ADAD1: variants seen among roughly 807,000 people sequenced by gnomAD.
The protein encoded by ADAD1 is adenosine deaminase domain containing 1.
Under a neutral mutation model 66.8 loss-of-function variants are expected in ADAD1, and 46 were observed. The observed-to-expected ratio is 0.69, with a 90% CI of 0.54 to 0.88. The LOEUF (loss-of-function observed/expected upper bound fraction) is 0.88, where lower values mean the gene tolerates loss of function less well. Among genes scored for constraint, ADAD1 ranks in the 40% least tolerant of loss-of-function variants. ADAD1 has a pLI of 0.00. For synonymous variants in ADAD1, 248 were observed against 229.4 expected, an observed-to-expected ratio of 1.08 and a Z score of -0.73; for missense variants, 617 against 681.8, an observed-to-expected ratio of 0.91 and a Z score of 1.06.
intron 11 of ADAD1, among the ~76,000 whole-genome samples, chr4:122,417,106 G>C (rs369940726): frequency 2.0e-5 from 3 of 152,090 alleles, no homozygotes; most frequent in African/African-American, 4.8e-5. Context: ...AGGCTGAGGC[G>C]GGCAGATCAG....
At chr4:122,401,044 TG>T (rs1368529691) in intron 7 of ADAD1, among the ~76,000 whole-genome samples, 1 of 152,150 alleles carries the variant, frequency 6.6e-6, no homozygotes, top group Non-Finnish European at 1.5e-5. Context: ...CTGCTGTGTT[TG>T]GGTTTGGTTT....
chr4:122,386,471 T>A (rs953120213), intron 5 of ADAD1, among the ~76,000 whole-genome samples: 1 of 128,548 alleles, frequency 7.8e-6, no homozygotes, highest in African/African-American at 2.9e-5. Context: ...GATCAAAAAT[T>A]TTCTCCCATT....
chr4:122,380,347 A>AT, intron 3 of ADAD1, 106 bp downstream of exon 3: 1 of 1,351,812 alleles, frequency 7.4e-7, no homozygotes, highest in Non-Finnish European at 1.0e-6. Context: ...TTGTATAGAC[A>AT]TTTACCCGTG....
At position 122,399,473 on chromosome 4, in the gene ADAD1, G is replaced by GT. The variant is rs368737769; in HGVS notation, c.724+3102dup. Among the ~76,000 whole-genome samples, 471 of 152,054 alleles carry GT rather than the reference G, an allele frequency of 3.1e-3. 1 individual carries two copies. The highest frequency in any genetic ancestry group is 0.011 in the African/African-American group (436 of 41,522). ...TAGTCTTACTTAGACTATGCAGGTT[G>GT]TTTTTTGGTTCTATGTGAATTTTAG... On this transcript the variant is annotated intron_variant, in intron 7 of 12. Coordinates refer to ENST00000296513, the MANE Select transcript of ADAD1 (RefSeq NM_139243.4).
At chr4:122,419,008 C>A (rs1420142053) in intron 11 of ADAD1, among the ~76,000 whole-genome samples, 3 of 152,168 alleles carry the variant, frequency 2.0e-5, no homozygotes, top group African/African-American at 7.2e-5. Flanking sequence ...TACCATTTGA[C>A]CCAGCAATCC....
chr4:122,428,616 C>T (rs971218586), intron 12 of ADAD1, among the ~76,000 whole-genome samples: 1 of 152,116 alleles, frequency 6.6e-6, no homozygotes, highest in South Asian at 2.1e-4. Flanking sequence ...ATACATGAAA[C>T]AACGTAAATG....
At chr4:122,423,595 C>CA (rs1325859319) in intron 12 of ADAD1, among the ~76,000 whole-genome samples, 2 of 151,696 alleles carry the variant, frequency 1.3e-5, no homozygotes, top group Admixed American at 1.3e-4. Flanking sequence ...CCAAAATAGC[C>CA]AAAAAAATTT....
chr4:122,400,214 A>G (rs774807718), intron 7 of ADAD1, among the ~76,000 whole-genome samples: 2 of 152,130 alleles, frequency 1.3e-5, no homozygotes, highest in Non-Finnish European at 2.9e-5. Context: ...TTTAATCTTA[A>G]AGCGATGCTG....
At chr4:122,407,815 T>TA (rs529159036) in intron 7 of ADAD1, 93 bp from the exon 8 acceptor site, 32 of 1,307,232 alleles carry the variant, frequency 2.4e-5, no homozygotes, top group Non-Finnish European at 1.5e-5. Flanking sequence ...TAATATATTC[T>TA]ACTAAATTAA....
intron 12 of ADAD1, 132 bp from the exon 13 acceptor site, chr4:122,429,494 T>C (rs963944588): frequency 1.8e-6 from 1 of 554,472 alleles, no homozygotes; most frequent in African/African-American, 1.9e-5. Context: ...TTCAAAAATA[T>C]TAAAATATAG....
chr4:122,421,113 G>A (rs1332501339), intron 11 of ADAD1, 148 bp from the exon 12 acceptor site: 1 of 392,950 alleles, frequency 2.5e-6, no homozygotes, highest in Non-Finnish European at 4.1e-6. Context: ...TAAATATTAA[G>A]AATGCCTCTT....
chr4:122,380,130 A>G lies in ADAD1; in HGVS notation c.61A>G (p.Lys21Glu). The G allele has an allele frequency of 6.2e-7, 1 of 1,614,130 alleles. No individual in the cohort carries two copies. ...SQVPSFAQML[K>E]KNLPVQPATK... ...GGTCCCCAGCTTTGCCCAGATGCTG[A>G]AAAAGAACCTGCCAGTTCAACCAGC... is the stretch of plus-strand genomic sequence containing the variant. Residue 21 changes from lysine to glutamate, a missense_variant, in exon 3 of 13, where the codon AAA becomes GAA. By Grantham distance (56) the Lys-to-Glu change is moderately conservative. Transcript: ENST00000296513.
chr4:122,387,720 C>G (rs572443479), intron 5 of ADAD1, among the ~76,000 whole-genome samples: 1 of 151,392 alleles, frequency 6.6e-6, no homozygotes, highest in South Asian at 2.1e-4. Flanking sequence ...CATGTTCCAT[C>G]AATACCTTAT....
chr4:122,408,503 T>G (rs768218140), intron 8 of ADAD1, among the ~76,000 whole-genome samples: 22 of 152,166 alleles, frequency 1.4e-4, no homozygotes, highest in Non-Finnish European at 2.5e-4. Context: ...CTTGAACTCC[T>G]GATCTCAGGT....
chr4:122,412,083 G>A (rs776282650), intron 9 of ADAD1, among the ~76,000 whole-genome samples: 2 of 152,116 alleles, frequency 1.3e-5, no homozygotes, highest in Non-Finnish European at 2.9e-5. Context: ...TGACCATCTA[G>A]TGGTAAACAT....
At chr4:122,422,443 T>G (rs574086114) in intron 12 of ADAD1, among the ~76,000 whole-genome samples, 1 of 152,326 alleles carries the variant, frequency 6.6e-6, no homozygotes, top group East Asian at 1.9e-4. Flanking sequence ...CATACTTCCA[T>G]GTTACCATTA....
At chr4:122,400,596 A>G (rs1457553876) in intron 7 of ADAD1, among the ~76,000 whole-genome samples, 1 of 152,128 alleles carries the variant, frequency 6.6e-6, no homozygotes, top group African/African-American at 2.4e-5. Flanking sequence ...TTCTTCTTTG[A>G]ATGTCTGATA....
chr4:122,381,375 T>C (rs1794893328), intron 4 of ADAD1, among the ~76,000 whole-genome samples, 195 bp downstream of exon 4: 1 of 152,238 alleles, frequency 6.6e-6, no homozygotes, highest in South Asian at 2.1e-4. Context: ...ACCAAAGTTT[T>C]ATAATCATTG....
At chr4:122,390,414 G>C (rs1006974375) in intron 5 of ADAD1, among the ~76,000 whole-genome samples, 1 of 152,148 alleles carries the variant, frequency 6.6e-6, no homozygotes, top group Non-Finnish European at 1.5e-5. Flanking sequence ...TGTCTTGCTA[G>C]GTTGTGGAAG....
Sources: gnomAD v4.1 joint callset for allele counts (sites outside exome capture counted in the v4.1 genomes callset) on GRCh38, gnomAD v4.1.1 for gene constraint, MANE v1.5 for transcripts, NCBI Gene and HGNC (gene_info 2026-07-23, HGNC 2026-07-21) for gene names.